KCNQ1: variants seen among roughly 807,000 people sequenced by gnomAD.
KCNQ1 encodes potassium voltage-gated channel subfamily KQT member 1.
In KCNQ1, 49 loss-of-function variants were observed where a neutral mutation model predicts 72.4. That is an observed-to-expected ratio of 0.68 (90% CI 0.54 to 0.86). The LOEUF (loss-of-function observed/expected upper bound fraction) is 0.86, where lower values mean the gene tolerates loss of function less well. Among genes scored for constraint, KCNQ1 ranks in the 40% least tolerant of loss-of-function variants. The pLI, the probability that KCNQ1 is intolerant of heterozygous loss-of-function variation, is 0.00. For missense variants in KCNQ1, 790 were observed against 945.1 expected (o/e 0.84, Z 2.15); for synonymous variants, 450 against 412.6 (o/e 1.09, Z -1.10).
At position 2,766,687 on chromosome 11, in the gene KCNQ1, C is replaced by T. The variant is rs1438133714; in HGVS notation, c.1515-2157C>T. Among the ~76,000 whole-genome samples, 1 of 152,226 alleles carries T rather than the reference C, an allele frequency of 6.6e-6. No individual in the cohort carries two copies. Among genetic ancestry groups the T allele is most frequent in the Non-Finnish European group, 1.5e-5 (1 of 68,038 alleles). On this transcript the variant is annotated intron_variant, in intron 11 of 15. Transcript: ENST00000155840. The surrounding 1 kb of genome is among the most constrained non-coding windows in gnomAD (Gnocchi z 4.4). ...CTCCCGACGATACCTAAAATTCTCA[C>T]CCAATTACATGTGGCATCATGCTCA...
rs773522700 is a variant in KCNQ1 at position 2,801,326 on chromosome 11, C to T, written c.1794+23289C>T. Among the ~76,000 whole-genome samples, 57 of 152,362 alleles carry T rather than the reference C, an allele frequency of 3.7e-4. 1 individual carries two copies. Among genetic ancestry groups the T allele is most frequent in the Middle Eastern group, 6.8e-3 (2 of 294 alleles). On this transcript the variant is annotated intron_variant, in intron 15 of 15. Transcript: ENST00000155840. ...GGCACTCACCTGCCCTTGCAGTCCC[C>T]TCTAGCTCTCCAGCTTCCTGCTGGC...
intron 1 of KCNQ1, among the ~76,000 whole-genome samples, chr11:2,519,298 G>A (rs1847339648): frequency 6.6e-6 from 1 of 152,346 alleles, no homozygotes; most frequent in East Asian, 1.9e-4. Context: ...ATGCCCTGTG[G>A]GCTGAATGGT....
chr11:2,546,486 G>T (rs2133686576), intron 2 of KCNQ1, among the ~76,000 whole-genome samples: 1 of 152,268 alleles, frequency 6.6e-6, no homozygotes, highest in Non-Finnish European at 1.5e-5. Flanking sequence ...GTCTACATCA[G>T]TAATGATACA....
At chr11:2,459,083 AGGCACAG>A (rs1846237226) in intron 1 of KCNQ1, among the ~76,000 whole-genome samples, 1 of 152,176 alleles carries the variant, frequency 6.6e-6, no homozygotes, top group Non-Finnish European at 1.5e-5. Flanking sequence ...CTTCCTTCCC[AGGCACAG>A]GGGCTTTATG....
chr11:2,633,977 T>C (rs987522756), intron 10 of KCNQ1: 10 of 398,438 alleles, frequency 2.5e-5, no homozygotes, highest in Admixed American at 1.8e-4. Flanking sequence ...TTCAAATCTA[T>C]GTTGTTGAAG....
intron 10 of KCNQ1, chr11:2,614,094 T>C (rs1849022355): frequency 5.0e-6 from 2 of 398,454 alleles, no homozygotes; most frequent in Non-Finnish European, 8.8e-6. Context: ...GGTTTCTAGA[T>C]GGCAGCTATG....
At chr11:2,455,934 A>G (rs1039056079) in intron 1 of KCNQ1, among the ~76,000 whole-genome samples, 3 of 152,246 alleles carry the variant, frequency 2.0e-5, no homozygotes, top group African/African-American at 7.2e-5. Context: ...CAACAAAAAT[A>G]TGCCATGGGG....
chr11:2,688,370 G>A lies in KCNQ1; in HGVS notation c.1514+26289G>A, dbSNP rs78979288. 10 of 398,646 alleles carry A rather than the reference G, an allele frequency of 2.5e-5. 1 individual carries two copies. The South Asian group carries it at 7.6e-4, about 30-fold the overall frequency. 24.7% of individuals were successfully genotyped at this position (398,646 alleles called of 1,614,324 possible). ...CCTCTCGTGTCTGGGGAACTTCCCC[G>A]TAGAGGTTTCAATAACTGCCATCCT... On this transcript the variant is annotated intron_variant, in intron 11 of 15. Coordinates refer to ENST00000155840, the MANE Select transcript of KCNQ1 (RefSeq NM_000218.3).
chr11:2,832,273 G>A (rs991423100), intron 15 of KCNQ1, among the ~76,000 whole-genome samples: 5 of 152,222 alleles, frequency 3.3e-5, no homozygotes, highest in Admixed American at 2.0e-4. Flanking sequence ...CCCTGCAAAT[G>A]GAGGTACCAG....
chr11:2,542,944 T>C (rs1029259484), intron 2 of KCNQ1, among the ~76,000 whole-genome samples: 1 of 152,090 alleles, frequency 6.6e-6, no homozygotes, highest in African/African-American at 2.4e-5. Context: ...TGAGTGTATA[T>C]TTTTAACTAT....
intron 15 of KCNQ1, 43 bp downstream of exon 15, chr11:2,778,080 T>C: frequency 1.3e-6 from 2 of 1,591,074 alleles, no homozygotes; most frequent in Non-Finnish European, 1.7e-6. Flanking sequence ...GTTAGCGTCC[T>C]GGGGCCAGCA....
intron 2 of KCNQ1, among the ~76,000 whole-genome samples, chr11:2,556,563 C>T (rs1032082536): frequency 8.5e-5 from 13 of 152,258 alleles, no homozygotes; most frequent in South Asian, 4.1e-4. Flanking sequence ...CAACAGAAAT[C>T]GCGTGGCCTG....
intron 1 of KCNQ1, among the ~76,000 whole-genome samples, chr11:2,514,556 G>T (rs1847258423): frequency 6.6e-6 from 1 of 152,238 alleles, no homozygotes; most frequent in Non-Finnish European, 1.5e-5. Flanking sequence ...TGGCTCATGG[G>T]CGCGGTGGCT....
intron 11 of KCNQ1, among the ~76,000 whole-genome samples, chr11:2,757,802 C>T (rs150356182): frequency 1.2e-3 from 188 of 152,264 alleles, no homozygotes; most frequent in Middle Eastern, 0.01. Context: ...CAAAATTCAG[C>T]GGAGGAAGAC....
intron 10 of KCNQ1, chr11:2,643,978 G>T: frequency 2.5e-6 from 1 of 398,492 alleles, no homozygotes; most frequent in Admixed American, 4.4e-5. Flanking sequence ...TTAGTCTGCA[G>T]GTTGTTCCCT....
At chr11:2,675,275 C>T in intron 11 of KCNQ1, 1 of 398,574 alleles carries the variant, frequency 2.5e-6, no homozygotes, top group East Asian at 3.6e-5. Context: ...GATAACTCAC[C>T]TCTCCCAAAA....
intron 11 of KCNQ1, among the ~76,000 whole-genome samples, chr11:2,700,469 G>A (rs1850786866): frequency 6.6e-6 from 1 of 152,116 alleles, no homozygotes; most frequent in African/African-American, 2.4e-5. Flanking sequence ...CCACGCCCGA[G>A]ACCAGCCCCT....
intron 15 of KCNQ1, among the ~76,000 whole-genome samples, chr11:2,821,222 G>A (rs545841149): frequency 6.0e-4 from 91 of 152,346 alleles, no homozygotes; most frequent in Middle Eastern, 3.4e-3. Context: ...TGCTCTGTGC[G>A]AGTCCCGTTT....
Position 2,483,336 on chromosome 11 carries a change from T to C in KCNQ1, c.386+37852T>C, listed in dbSNP as rs1330526310. Among the ~76,000 whole-genome samples, 1 of 152,178 alleles carries C rather than the reference T, an allele frequency of 6.6e-6. No homozygotes were observed. The highest frequency in any genetic ancestry group is 2.4e-5 in the African/African-American group (1 of 41,446). ...TTTTGTTTTGAAGCAATTTTAGACC[T>C]ACAGAAAAGTTCCACGACAGTACTG... On this transcript the variant is annotated intron_variant, in intron 1 of 15. Transcript: ENST00000155840. This position sits in a 1 kb window ranked among gnomAD's most constrained non-coding sequence, Gnocchi z 6.1.
Sources: gnomAD v4.1 joint callset for allele counts (sites outside exome capture counted in the v4.1 genomes callset) on GRCh38, gnomAD v4.1.1 for gene constraint, Gnocchi (gnomAD v3.1) non-coding constraint, MANE v1.5 for transcripts, NCBI Gene and HGNC (gene_info 2026-07-23, HGNC 2026-07-21) for gene names.